The following CCDC73 variants were observed in gnomAD, a reference collection of about 807,000 sequenced individuals.
The protein encoded by CCDC73 is coiled-coil domain containing 73, also known as coiled-coil domain-containing protein 73.
A neutral mutation model predicts 116.5 loss-of-function variants in CCDC73; 95 were observed. The ratio of observed to expected loss-of-function variants is 0.82; its 90% CI spans 0.69 to 0.97. The LOEUF (loss-of-function observed/expected upper bound fraction) is 0.97, where lower values mean the gene tolerates loss of function less well. Among genes scored for constraint, CCDC73 ranks in the 50% least tolerant of loss-of-function variants. CCDC73 has a pLI of 0.00. For missense variants in CCDC73, 1,066 were observed against 1,206.8 expected (o/e 0.88, Z 1.73); for synonymous variants, 398 against 401.3 (o/e 0.99, Z 0.10).
chr11:32,635,300 T>C (rs1855667687), intron 14 of CCDC73, among the ~76,000 whole-genome samples: 1 of 152,146 alleles, frequency 6.6e-6, no homozygotes, highest in East Asian at 1.9e-4. Context: ...CTTAGCTACG[T>C]TTTATAGCTT....
chr11:32,667,995 G>C (rs922318861), intron 9 of CCDC73, among the ~76,000 whole-genome samples: 1 of 152,058 alleles, frequency 6.6e-6, no homozygotes, highest in African/African-American at 2.4e-5. Context: ...ATAACTTTAG[G>C]CAACTTACTT....
intron 2 of CCDC73, among the ~76,000 whole-genome samples, chr11:32,735,555 A>C (rs890573162): frequency 1.3e-5 from 2 of 152,228 alleles, no homozygotes; most frequent in African/African-American, 4.8e-5. Flanking sequence ...GGATAGGAAG[A>C]ATCAATATCG....
the CCDC73 span, among the ~76,000 whole-genome samples, chr11:32,819,256 C>T: frequency 7.9e-4 from 120 of 150,976 alleles, 4 homozygotes; most frequent in South Asian, 0.023. Flanking sequence ...ATCATGATTA[C>T]GATTTCCATA....
the CCDC73 span, among the ~76,000 whole-genome samples, chr11:32,829,481 A>C: frequency 1.3e-5 from 2 of 152,224 alleles, no homozygotes; most frequent in African/African-American, 2.4e-5. Context: ...ATTACTTGTA[A>C]GGTCATTTCC....
At position 32,626,837 on chromosome 11, in the gene CCDC73, A is replaced by G. The variant is rs184781018; in HGVS notation, c.1185+8859T>C. ...CAAAAATTAATTCAAGCTGGATTAA[A>G]GACTTACATGTTAGACCTAAAACCA... On this transcript the variant is annotated intron_variant, in intron 14 of 17. Transcript: ENST00000335185. Among the ~76,000 whole-genome samples the G allele has an allele frequency of 2.6e-3, 391 of 152,374 alleles. 3 individuals carry two copies. The highest frequency in any genetic ancestry group is 4.1e-3 in the Non-Finnish European group (280 of 68,036).
chr11:32,830,394 G>A, the CCDC73 span: 3 of 966,272 alleles, frequency 3.1e-6, no homozygotes, highest in Non-Finnish European at 4.2e-6. Context: ...CCGCGCGCCG[G>A]GCGCTCTTGC....
chr11:32,784,685 A>C lies in CCDC73; in HGVS notation c.-16+9928T>G, dbSNP rs1377088610. On this transcript the variant is annotated intron_variant, in intron 1 of 17. Coordinates refer to ENST00000335185, the MANE Select transcript of CCDC73 (RefSeq NM_001008391.4). Reference sequence around the variant, plus strand: ...GAAGTAATTGCTCTGAAAAGGAAGAAATGGCAGGAGAGATCTTTTTCTGAA... The same window carrying C: ...GAAGTAATTGCTCTGAAAAGGAAGACATGGCAGGAGAGATCTTTTTCTGAA... 3.3e-5 allele frequency among the ~76,000 whole-genome samples: 5 copies of C among 152,198 alleles called. No homozygotes were observed. In the East Asian group the frequency reaches 9.6e-4, roughly 29 times the overall value.
intron 14 of CCDC73, among the ~76,000 whole-genome samples, chr11:32,624,920 C>G (rs384229): frequency 0.43 from 65,944 of 152,072 alleles, 14,729 homozygotes; most frequent in African/African-American, 0.49. Context: ...TCTGAGCAAA[C>G]TGTCACAAGG....
chr11:32,794,223 C>T (rs147229254), intron 1 of CCDC73: 5 of 152,214 alleles, frequency 3.3e-5, no homozygotes, highest in African/African-American at 9.6e-5. Flanking sequence ...TTCAGAAGAA[C>T]AATCGACATG....
intron 9 of CCDC73, among the ~76,000 whole-genome samples, chr11:32,669,958 C>A (rs1019093742): frequency 6.6e-6 from 1 of 152,114 alleles, no homozygotes; most frequent in Admixed American, 6.5e-5. Context: ...ATACTGATTT[C>A]TTTTTCTTTG....
chr11:32,605,040 G>C (rs1855329519), intron 17 of CCDC73: 1 of 152,124 alleles, frequency 6.6e-6, no homozygotes, highest in African/African-American at 2.4e-5. Flanking sequence ...TTTTAGTAGA[G>C]ACAGGGTTTC....
At chr11:32,656,084 C>CTTTTCT (rs370867744) in intron 9 of CCDC73, among the ~76,000 whole-genome samples, 3 of 145,482 alleles carry the variant, frequency 2.1e-5, no homozygotes, top group Non-Finnish European at 4.5e-5. Flanking sequence ...CTTTTCTTTT[C>CTTTTCT]TTTTTTTTTT....
intron 3 of CCDC73, among the ~76,000 whole-genome samples, chr11:32,711,006 A>G (rs1166856547): frequency 1.3e-5 from 2 of 152,228 alleles, no homozygotes; most frequent in Admixed American, 1.3e-4. Flanking sequence ...TCTTAAAAAA[A>G]AGATATACAA....
chr11:32,649,908 C>T (rs1453255268), intron 12 of CCDC73, among the ~76,000 whole-genome samples: 1 of 152,098 alleles, frequency 6.6e-6, no homozygotes, highest in African/African-American at 2.4e-5. Context: ...TTTGACAATA[C>T]TTTAAAATTT....
intron 17 of CCDC73, among the ~76,000 whole-genome samples, chr11:32,608,589 G>C (rs1855384063): frequency 6.6e-6 from 1 of 152,152 alleles, no homozygotes; most frequent in Non-Finnish European, 1.5e-5. Context: ...GCTGTTGGTG[G>C]ATCTACCATT....
the CCDC73 span, among the ~76,000 whole-genome samples, chr11:32,806,883 C>T: frequency 6.6e-5 from 10 of 152,058 alleles, no homozygotes; most frequent in South Asian, 2.1e-4. Context: ...ACTAACCTGC[C>T]GCGGTTTGCC....
chr11:32,761,443 T>TA (rs1850391000), intron 1 of CCDC73, among the ~76,000 whole-genome samples: 1 of 152,218 alleles, frequency 6.6e-6, no homozygotes, highest in Non-Finnish European at 1.5e-5. Context: ...TCCTTAGAGA[T>TA]AAACGCCCAA....
intron 9 of CCDC73, among the ~76,000 whole-genome samples, chr11:32,667,514 G>A (rs1394618008): frequency 6.6e-6 from 1 of 152,160 alleles, no homozygotes. Context: ...CATTGGAAAA[G>A]CGCAGTATTA....
At chr11:32,692,323 C>G (rs1442027461) in intron 6 of CCDC73, among the ~76,000 whole-genome samples, 1 of 151,984 alleles carries the variant, frequency 6.6e-6, no homozygotes, top group Non-Finnish European at 1.5e-5. Flanking sequence ...TTTCTCCAGA[C>G]TATAAAATTA....
Sources: gnomAD v4.1 joint callset for allele counts (sites outside exome capture counted in the v4.1 genomes callset) on GRCh38, gnomAD v4.1.1 for gene constraint, MANE v1.5 for transcripts, NCBI Gene and HGNC (gene_info 2026-07-23, HGNC 2026-07-21) for gene names.